The following CNOT2 variants were observed in gnomAD, a reference collection of about 807,000 sequenced individuals.
CNOT2 encodes CCR4-NOT transcription complex subunit 2.
A neutral mutation model predicts 72.1 loss-of-function variants in CNOT2; 7 were observed. That is an observed-to-expected ratio of 0.10 (90% CI 0.06 to 0.18). The LOEUF is 0.18. Among genes scored for constraint, CNOT2 ranks in the 10% least tolerant of loss-of-function variants. The pLI is 1.00. For synonymous variants in CNOT2, 196 were observed against 225.6 expected (o/e 0.87, Z 1.17); for missense variants, 345 against 660.3 (o/e 0.52, Z 5.23).
At chr12:70,284,393 C>G (rs551257571) in intron 2 of CNOT2, among the ~76,000 whole-genome samples, 1 of 151,882 alleles carries the variant, frequency 6.6e-6, no homozygotes, top group Non-Finnish European at 1.5e-5. Flanking sequence ...TACCTACACG[C>G]ACCACCACAT....
rs12368231 is a variant in CNOT2 at position 70,273,301 on chromosome 12, A to G, written c.-95-4831A>G. Among the ~76,000 whole-genome samples, 1,103 of 151,212 alleles carry G rather than the reference A, an allele frequency of 7.3e-3. 3 individuals carry two copies. The highest frequency in any genetic ancestry group is 0.012 in the Non-Finnish European group (792 of 67,432). Reference sequence around the variant, plus strand: ...GTGATCTCCATGCTGCAATCCAAAGATTAATTCTCATCTTTTTTTTTTAGT... The same window carrying G: ...GTGATCTCCATGCTGCAATCCAAAGGTTAATTCTCATCTTTTTTTTTTAGT... On this transcript the variant is annotated intron_variant, in intron 1 of 15. Transcript: ENST00000229195.
intron 2 of CNOT2, among the ~76,000 whole-genome samples, 161 bp from the exon 3 acceptor site, chr12:70,310,731 TATA>T (rs1374412022): frequency 6.6e-6 from 1 of 152,124 alleles, no homozygotes; most frequent in African/African-American, 2.4e-5. Flanking sequence ...ACTTTATTGT[TATA>T]ATCAGATTTA....
At chr12:70,294,192 G>A (rs1872450563) in intron 2 of CNOT2, 3 of 1,289,396 alleles carry the variant, frequency 2.3e-6, no homozygotes, top group Non-Finnish European at 3.0e-6. Flanking sequence ...CTAGGGTGGG[G>A]CTGGTGCCAT....
chr12:70,345,725 T>C (rs928336301), intron 14 of CNOT2: 1 of 152,288 alleles, frequency 6.6e-6, no homozygotes, highest in African/African-American at 2.4e-5. Context: ...GTTAAAAAAT[T>C]ATGTGGAATT....
At chr12:70,272,680 A>G (rs888120294) in intron 1 of CNOT2, among the ~76,000 whole-genome samples, 3 of 152,094 alleles carry the variant, frequency 2.0e-5, no homozygotes, top group Non-Finnish European at 4.4e-5. Context: ...GTGTGTGGCT[A>G]GAGAACACCA....
intron 8 of CNOT2, chr12:70,335,817 T>C (rs1220156755): frequency 1.1e-5 from 3 of 282,158 alleles, no homozygotes; most frequent in Non-Finnish European, 2.0e-5. Context: ...TATTCAGAAG[T>C]TATTTTCTTC....
At chr12:70,267,313 T>G (rs1433173005) in intron 1 of CNOT2, among the ~76,000 whole-genome samples, 1 of 152,200 alleles carries the variant, frequency 6.6e-6, no homozygotes, top group African/African-American at 2.4e-5. Flanking sequence ...GTTTTGGTGG[T>G]TGCCAGCAAT....
At chr12:70,300,887 T>C (rs1873823675) in intron 2 of CNOT2, among the ~76,000 whole-genome samples, 1 of 152,200 alleles carries the variant, frequency 6.6e-6, no homozygotes, top group Non-Finnish European at 1.5e-5. Context: ...GTATCCTCTT[T>C]TATTTCATTG....
At chr12:70,291,295 A>G (rs1375002031) in intron 2 of CNOT2, among the ~76,000 whole-genome samples, 1 of 152,252 alleles carries the variant, frequency 6.6e-6, no homozygotes, top group African/African-American at 2.4e-5. Flanking sequence ...TAAATTAAAG[A>G]CATTATAATA....
Position 70,302,676 on chromosome 12 carries a change from A to G in CNOT2, c.49-8219A>G, listed in dbSNP as rs1192030495. ...TGGAATAGGTGTGGTGTGGTGCTGAAAAGAATGTATATTCTGTTGATTTGG... is the reference window on the plus strand; with the variant it reads ...TGGAATAGGTGTGGTGTGGTGCTGAGAAGAATGTATATTCTGTTGATTTGG... On this transcript the variant is annotated intron_variant, in intron 2 of 15. Coordinates refer to ENST00000229195, the MANE Select transcript of CNOT2 (RefSeq NM_014515.7). Among the ~76,000 whole-genome samples, 3 of 152,296 alleles carry G rather than the reference A, an allele frequency of 2.0e-5. No homozygotes were observed. In the East Asian group the frequency reaches 5.8e-4, roughly 29 times the overall value.
In CNOT2 at chr12:70,342,130, C is replaced by T. The variant is rs747703636; in HGVS notation, c.1202C>T (p.Ser401Leu). 17 of 1,608,216 alleles carry T rather than the reference C, an allele frequency of 1.1e-5. No homozygotes were observed. ...AGAAATCTCTACCCCAAATTTGCGT[C>T]ACCCTGGGCATCTTCACCTTGTCGA... ...SPENLYPKFA[S>L]PWASSPCRPQ... Residue 401 changes from serine (S) to leucine (L), a missense_variant, in exon 12 of 16, where the codon TCA (serine) becomes TTA (leucine). Coordinates refer to ENST00000229195, the MANE Select transcript of CNOT2 (RefSeq NM_014515.7).
rs760014310 is a variant in CNOT2, at chr12:70,330,485, A to G, written c.569+16A>G. 3 of 1,585,142 alleles carry G rather than the reference A, an allele frequency of 1.9e-6. No individual in the cohort carries two copies. The highest frequency in any genetic ancestry group is 2.2e-5 in the South Asian group (2 of 89,350). ...CTGTGAACAGGTAAGATGTTTATTG[A>G]TACTGTGTATAATTGTCTTTCTGGG... is the stretch of plus-strand genomic sequence containing the variant. On this transcript the variant is annotated intron_variant, in intron 6 of 15. Coordinates refer to ENST00000229195, the MANE Select transcript of CNOT2 (RefSeq NM_014515.7).
intron 2 of CNOT2, among the ~76,000 whole-genome samples, chr12:70,307,094 A>G (rs1222020018): frequency 1.3e-5 from 2 of 152,196 alleles, no homozygotes; most frequent in Non-Finnish European, 2.9e-5. Context: ...GTTCTGGGTA[A>G]TTCAGTAAGT....
rs965512375 is a variant in CNOT2, at chr12:70,343,342, ATGT to A, written c.1291-781_1291-779del. On this transcript the variant is annotated intron_variant, in intron 13 of 15. Coordinates refer to ENST00000229195, the MANE Select transcript of CNOT2 (RefSeq NM_014515.7). The stretch of plus-strand genomic sequence containing the variant: ...TATAGGATCAAATAACGAGATAAAA[ATGT>A]TGTTTTGGGACACTTTTAAGGTTTA... 2.6e-5 allele frequency among the ~76,000 whole-genome samples: 4 copies of A among 152,180 alleles called. No homozygotes were observed. The East Asian group carries it at 5.8e-4, about 22-fold the overall frequency.
At chr12:70,282,261 T>C (rs1870002179) in intron 2 of CNOT2, among the ~76,000 whole-genome samples, 1 of 152,192 alleles carries the variant, frequency 6.6e-6, no homozygotes, top group African/African-American at 2.4e-5. Flanking sequence ...TATGAGGTCA[T>C]TGGTCACATC....
chr12:70,244,219 T>G (rs1029773921), intron 1 of CNOT2: 6 of 152,086 alleles, frequency 3.9e-5, no homozygotes, highest in African/African-American at 1.4e-4. Flanking sequence ...GTAGACTGAG[T>G]CCGGATGATC....
intron 6 of CNOT2, chr12:70,332,524 A>T: frequency 2.3e-6 from 1 of 438,326 alleles, no homozygotes; most frequent in Non-Finnish European, 3.4e-6. Flanking sequence ...TTCATATATA[A>T]ATTTTTGAGT....
intron 4 of CNOT2, among the ~76,000 whole-genome samples, chr12:70,325,450 A>G (rs1367117965): frequency 6.6e-6 from 1 of 151,798 alleles, no homozygotes; most frequent in Non-Finnish European, 1.5e-5. Context: ...ATGGAAAATG[A>G]TATTGGTTGC....
intron 2 of CNOT2, among the ~76,000 whole-genome samples, chr12:70,296,348 A>G (rs999115111): frequency 1.3e-5 from 2 of 152,014 alleles, no homozygotes; most frequent in Non-Finnish European, 2.9e-5. Context: ...CCTATTTCCA[A>G]CCAGTCATAG....
Sources: allele counts gnomAD v4.1 joint callset (sites outside exome capture counted in the v4.1 genomes callset), GRCh38; gene constraint gnomAD v4.1.1; transcripts MANE v1.5; gene names NCBI Gene and HGNC (gene_info 2026-07-23, HGNC 2026-07-21).